Variants in PDK1 observed in about 807,000 individuals in gnomAD.
The protein encoded by PDK1 is pyruvate dehydrogenase kinase 1.
Under a neutral mutation model 54.2 loss-of-function variants are expected in PDK1, and 39 were observed. The observed-to-expected ratio is 0.72, with a 90% CI of 0.56 to 0.94. The LOEUF is 0.94. Among genes scored for constraint, PDK1 ranks in the 40% least tolerant of loss-of-function variants. PDK1 has a pLI of 0.00. For missense variants in PDK1, 552 were observed against 566.0 expected (o/e 0.98, Z 0.25); for synonymous variants, 221 against 207.1 (o/e 1.07, Z -0.58).
At chr2:172,613,245 C>A (rs548528577), downstream of PDK1, among the ~76,000 whole-genome samples, 2 of 152,296 alleles carry the variant, frequency 1.3e-5, no homozygotes, top group South Asian at 4.1e-4. Context: ...TTGGCAGGGA[C>A]TTCCCTAGGG....
the PDK1 span, among the ~76,000 whole-genome samples, chr2:172,668,349 TC>T: frequency 1.1e-4 from 16 of 152,116 alleles, no homozygotes; most frequent in South Asian, 3.1e-3. Flanking sequence ...ATATCTTTAT[TC>T]GTTCCCACTT....
downstream of PDK1, chr2:172,608,762 T>G (rs1691374024): frequency 2.0e-5 from 3 of 152,146 alleles, 1 homozygote; most frequent in South Asian, 6.2e-4. Context: ...ACTGAACATG[T>G]ATTTTTTGAG....
At chr2:172,620,564 A>T in the PDK1 span, among the ~76,000 whole-genome samples, 3 of 151,980 alleles carry the variant, frequency 2.0e-5, no homozygotes, top group Admixed American at 1.3e-4. Flanking sequence ...TGTCTCCCCC[A>T]CTCAAATCTC....
chr2:172,670,178 G>A, the PDK1 span, among the ~76,000 whole-genome samples: 7 of 152,232 alleles, frequency 4.6e-5, no homozygotes, highest in African/African-American at 1.2e-4. Flanking sequence ...TTAGCCTTCC[G>A]GGCAGCTGGA....
chr2:172,698,896 T>C, the PDK1 span, among the ~76,000 whole-genome samples: 1 of 152,168 alleles, frequency 6.6e-6, no homozygotes, highest in Non-Finnish European at 1.5e-5. Flanking sequence ...AGGTGATTTT[T>C]ATGTGCTGCT....
downstream of PDK1, among the ~76,000 whole-genome samples, chr2:172,612,128 T>C (rs896616690): frequency 2.0e-5 from 3 of 152,226 alleles, no homozygotes; most frequent in African/African-American, 7.2e-5. Context: ...TCATAATTAC[T>C]CCTATGGTAC....
intron 9 of PDK1, among the ~76,000 whole-genome samples, chr2:172,591,213 T>C (rs1358428973): frequency 1.3e-5 from 2 of 152,094 alleles, no homozygotes; most frequent in African/African-American, 2.4e-5. Context: ...CGAAGGTGAG[T>C]AATAGCAAGA....
chr2:172,564,123 C>G (rs1688805169), intron 3 of PDK1: 1 of 473,800 alleles, frequency 2.1e-6, no homozygotes, highest in African/African-American at 2.0e-5. Flanking sequence ...AGCAGGTGTT[C>G]TCTAGAGGCA....
the PDK1 span, among the ~76,000 whole-genome samples, chr2:172,631,408 C>T: frequency 0.72 from 108,634 of 151,632 alleles, 39,258 homozygotes; most frequent in Non-Finnish European, 0.77. Flanking sequence ...CTAACAGAAC[C>T]AACCTTCTCT....
chr2:172,589,097 T>C (rs1051285745), intron 9 of PDK1, among the ~76,000 whole-genome samples: 3 of 152,222 alleles, frequency 2.0e-5, no homozygotes, highest in Admixed American at 2.0e-4. Flanking sequence ...TAACTGGTTA[T>C]AGGGGAAGCC....
the PDK1 span, among the ~76,000 whole-genome samples, chr2:172,668,460 G>A: frequency 0.29 from 43,859 of 151,480 alleles, 7,972 homozygotes; most frequent in East Asian, 0.56. Flanking sequence ...GACCTAAACT[G>A]TATATACCCT....
the PDK1 span, among the ~76,000 whole-genome samples, chr2:172,714,721 G>A: frequency 6.6e-6 from 1 of 152,096 alleles, no homozygotes; most frequent in Admixed American, 6.5e-5. Context: ...CAATAGATAT[G>A]TATTACTTAT....
the PDK1 span, among the ~76,000 whole-genome samples, chr2:172,722,323 A>G: frequency 9.2e-5 from 14 of 152,222 alleles, no homozygotes; most frequent in African/African-American, 3.4e-4. Flanking sequence ...GTCCTGGCAA[A>G]TGGCCAACCC....
chr2:172,623,914 A>G, the PDK1 span, among the ~76,000 whole-genome samples: 1 of 152,166 alleles, frequency 6.6e-6, no homozygotes, highest in Non-Finnish European at 1.5e-5. Context: ...TTCTGCTAAG[A>G]TCCTAAACCA....
chr2:172,633,924 G>T, the PDK1 span, among the ~76,000 whole-genome samples: 1 of 114,182 alleles, frequency 8.8e-6, no homozygotes, highest in African/African-American at 3.3e-5. Flanking sequence ...TGTCCAGACT[G>T]GAGTGCAGTG....
chr2:172,675,487 A>T, the PDK1 span, among the ~76,000 whole-genome samples: 1 of 152,224 alleles, frequency 6.6e-6, no homozygotes, highest in Non-Finnish European at 1.5e-5. Flanking sequence ...AGAAGGTTTG[A>T]GTGTTCTGGA....
At chr2:172,635,409 G>A in the PDK1 span, among the ~76,000 whole-genome samples, 6 of 152,074 alleles carry the variant, frequency 3.9e-5, no homozygotes, top group Admixed American at 2.6e-4. Flanking sequence ...TCCCCCTCCC[G>A]GGTTCAAGTG....
At chr2:172,638,098 A>G in the PDK1 span, among the ~76,000 whole-genome samples, 33 of 152,330 alleles carry the variant, frequency 2.2e-4, no homozygotes, top group African/African-American at 7.5e-4. Flanking sequence ...CATAATTGCT[A>G]CTTGGATAGA....
chr2:172,633,900 G>T, the PDK1 span, among the ~76,000 whole-genome samples: 1 of 91,844 alleles, frequency 1.1e-5, no homozygotes, highest in East Asian at 3.6e-4. Flanking sequence ...TTTTGAGACA[G>T]AGCCTTGCTC....
Sources: allele counts gnomAD v4.1 joint callset (sites outside exome capture counted in the v4.1 genomes callset), GRCh38; gene constraint gnomAD v4.1.1; transcripts MANE v1.5; gene names NCBI Gene and HGNC (gene_info 2026-07-23, HGNC 2026-07-21).